CLCN6: variants seen among roughly 807,000 people sequenced by gnomAD.
CLCN6 encodes the protein Cl-/H+ antiporter 6.
A neutral mutation model predicts 109.8 loss-of-function variants in CLCN6; 70 were observed. The observed-to-expected ratio is 0.64, with a 90% CI of 0.53 to 0.78. The LOEUF (loss-of-function observed/expected upper bound fraction) is 0.78. Ranked by LOEUF, CLCN6 falls within the 30% of genes least tolerant of loss-of-function variation. The pLI is 0.00. For synonymous variants in CLCN6, 444 were observed against 447.8 expected (o/e 0.99, Z 0.11); for missense variants, 984 against 1,142.3 (o/e 0.86, Z 2.00).
Position 11,834,228 on chromosome 1 carries a change from T to C in CLCN6, c.1527-8T>C, listed in dbSNP as rs1446981968. 1.2e-6 allele frequency: 2 copies of C among 1,608,696 alleles called. No individual in the cohort carries two copies. Among genetic ancestry groups the C allele is most frequent in the Non-Finnish European group, 1.7e-6 (2 of 1,177,488 alleles). On this transcript the variant is annotated splice_polypyrimidine_tract_variant and splice_region_variant and intron_variant, in intron 15 of 22. Transcript: ENST00000346436. The surrounding 1 kb of genome is among the most constrained non-coding windows in gnomAD (Gnocchi z 4.5). ...CAAAGCCATGTTCTCGGTGTTTTCC[T>C]TCACTAGCTACATTGGATTGGGCCA...
intron 17 of CLCN6, among the ~76,000 whole-genome samples, chr1:11,835,419 G>A (rs376155244): frequency 2.0e-5 from 3 of 152,138 alleles, no homozygotes; most frequent in Admixed American, 6.5e-5. Flanking sequence ...TCACAGGCGC[G>A]TGCCACCACA....
At chr1:11,833,462 G>A in intron 13 of CLCN6, 53 bp from the exon 14 acceptor site, 1 of 1,596,838 alleles carries the variant, frequency 6.3e-7, no homozygotes, top group East Asian at 2.2e-5. Context: ...CATCCCACTT[G>A]AAGACTCAAA....
intron 9 of CLCN6, among the ~76,000 whole-genome samples, chr1:11,826,500 TAGGA>T (rs1192517754): frequency 6.6e-6 from 1 of 152,238 alleles, no homozygotes; most frequent in Non-Finnish European, 1.5e-5. Context: ...GGCATATTCT[TAGGA>T]AGGCGTTTTG....
At chr1:11,810,475 G>A (rs947636033) in intron 2 of CLCN6, among the ~76,000 whole-genome samples, 1 of 152,164 alleles carries the variant, frequency 6.6e-6, no homozygotes, top group East Asian at 1.9e-4. Context: ...AGTTGAAGGT[G>A]GTTTTGGTGT....
intron 13 of CLCN6, among the ~76,000 whole-genome samples, chr1:11,830,430 G>A (rs1401021129): frequency 6.6e-6 from 1 of 152,032 alleles, no homozygotes; most frequent in East Asian, 1.9e-4. Context: ...AAACAGTACA[G>A]TGTAACAATT....
At chr1:11,832,798 A>G (rs1644897579) in intron 13 of CLCN6, among the ~76,000 whole-genome samples, 1 of 152,248 alleles carries the variant, frequency 6.6e-6, no homozygotes, top group Non-Finnish European at 1.5e-5. Context: ...AAAACAGCAC[A>G]CTTGAAACAC....
chr1:11,829,458 T>G, intron 13 of CLCN6, 136 bp downstream of exon 13: 14 of 1,050,272 alleles, frequency 1.3e-5, no homozygotes, highest in Non-Finnish European at 2.0e-5. Flanking sequence ...TTGAGAGATA[T>G]GGGAATCTGT....
chr1:11,833,070 T>C (rs1249201190), intron 13 of CLCN6, among the ~76,000 whole-genome samples: 1 of 151,990 alleles, frequency 6.6e-6, no homozygotes, highest in Non-Finnish European at 1.5e-5. Context: ...CTTTTTCTAT[T>C]TGGAACCAGA....
chr1:11,822,919 C>T, intron 6 of CLCN6, 118 bp downstream of exon 6: 1 of 680,898 alleles, frequency 1.5e-6, no homozygotes, highest in Admixed American at 2.5e-5. Context: ...AGAAAGTGGC[C>T]TCTTGTTCAC....
rs1341830649 is a variant in CLCN6, at chr1:11,836,120, C to A, written c.1947C>A (p.Gly649=). Residue 649 remains glycine, a synonymous_variant, in exon 18 of 23, where the codon GGC becomes GGA. Transcript: ENST00000346436. ...GTAACGAGAAGGAGTTCATGAAGGG[C>A]AACCAGCTCATCAGCAACAACATCA... ...NRGNEKEFMK[G]NQLISNNIKF... is the part of the protein sequence containing the mutation. The A allele has an allele frequency of 1.9e-6, 3 of 1,613,220 alleles. No homozygotes were observed. The South Asian group carries it at 3.3e-5, about 18-fold the overall frequency.
intron 9 of CLCN6, 78 bp downstream of exon 9, chr1:11,826,292 C>G: frequency 8.3e-7 from 1 of 1,211,550 alleles, no homozygotes; most frequent in Non-Finnish European, 1.2e-6. Flanking sequence ...GACACTTGCT[C>G]TAGCCTGGCA....
chr1:11,842,372 G>T lies in CLCN6; in HGVS notation c.*2149G>T, dbSNP rs1645035535. On this transcript the variant is annotated 3_prime_UTR_variant, in exon 23 of 23. Transcript: ENST00000346436. Reference sequence around the variant, plus strand: ...AAACTGACTGGACGGCTGCCAAGGAGGCCCCAAACCCAGGCCCCATGCAAA... The same window carrying T: ...AAACTGACTGGACGGCTGCCAAGGATGCCCCAAACCCAGGCCCCATGCAAA... The T allele has an allele frequency of 6.5e-6, 1 of 152,828 alleles. No individual in the cohort carries two copies. Among genetic ancestry groups the T allele is most frequent in the East Asian group, 1.9e-4 (1 of 5,196 alleles). The allele number at this position is 152,828 out of a possible 1,614,324, so 9.5% of individuals were successfully genotyped here. A position where few individuals can be genotyped will look rare whatever the true frequency, so the allele number is the denominator to read the frequency against.
intron 13 of CLCN6, among the ~76,000 whole-genome samples, chr1:11,831,648 A>C (rs1557430628): frequency 1.3e-5 from 2 of 152,102 alleles, no homozygotes; most frequent in Non-Finnish European, 2.9e-5. Context: ...GCATACAAAA[A>C]ACGATTCTGT....
intron 2 of CLCN6, among the ~76,000 whole-genome samples, chr1:11,812,788 T>C (rs1395882988): frequency 1.3e-5 from 2 of 151,762 alleles, no homozygotes; most frequent in Non-Finnish European, 2.9e-5. Context: ...ACACTTTGTC[T>C]CTCCCAAAGC....
In CLCN6 at chr1:11,835,953, C is replaced by G; in HGVS notation, c.1794-14C>G. On this transcript the variant is annotated splice_polypyrimidine_tract_variant and intron_variant, in intron 17 of 22. Transcript: ENST00000346436. ...CACTGTCATGAGGCTGGATGACTTG[C>G]CCTCCTCCCCCAGGCTGAGAGCCAG... is the stretch of plus-strand genomic sequence containing the variant. 1 of 1,608,460 alleles carries G rather than the reference C, an allele frequency of 6.2e-7. No homozygotes were observed. Among genetic ancestry groups the G allele is most frequent in the Non-Finnish European group, 8.5e-7 (1 of 1,177,196 alleles).
At chr1:11,823,490 G>T (rs1215462944) in intron 6 of CLCN6, among the ~76,000 whole-genome samples, 1 of 144,518 alleles carries the variant, frequency 6.9e-6, no homozygotes, top group East Asian at 2.0e-4. Flanking sequence ...AAAAAAAAAA[G>T]AAAAAAAAGT....
chr1:11,813,947 T>G (rs563638914), intron 2 of CLCN6, among the ~76,000 whole-genome samples: 14 of 152,374 alleles, frequency 9.2e-5, no homozygotes, highest in African/African-American at 3.4e-4. Flanking sequence ...TATCTTTCTA[T>G]ATAGACTTAA....
chr1:11,816,071 C>T (rs1191294905), intron 3 of CLCN6, 160 bp downstream of exon 3: 10 of 590,260 alleles, frequency 1.7e-5, no homozygotes, highest in Non-Finnish European at 2.1e-5. Flanking sequence ...TTTATTTCAC[C>T]TCGCAGGTAC....
intron 2 of CLCN6, among the ~76,000 whole-genome samples, chr1:11,807,867 T>C (rs1459539038): frequency 6.6e-6 from 1 of 152,172 alleles, no homozygotes; most frequent in Non-Finnish European, 1.5e-5. Context: ...GTAACAAAAA[T>C]GAGATTCCAC....
Sources: allele counts gnomAD v4.1 joint callset (sites outside exome capture counted in the v4.1 genomes callset), GRCh38; gene constraint gnomAD v4.1.1; non-coding constraint Gnocchi (gnomAD v3.1); transcripts MANE v1.5; gene names NCBI Gene and HGNC (gene_info 2026-07-23, HGNC 2026-07-21).